Variants in USP43 observed in about 807,000 individuals in gnomAD.
The protein encoded by USP43 is ubiquitin specific peptidase 43, also known as ubiquitin carboxyl-terminal hydrolase 43.
Under a neutral mutation model 90.7 loss-of-function variants are expected in USP43, and 33 were observed. That is an observed-to-expected ratio of 0.36 (90% CI 0.28 to 0.49). The LOEUF (loss-of-function observed/expected upper bound fraction) is 0.49, where lower values mean the gene tolerates loss of function less well. Ranked by LOEUF, USP43 falls within the 20% of genes least tolerant of loss-of-function variation. The probability of loss-of-function intolerance (pLI) is 0.98; values close to 1 mark genes in which losing one functional copy is unlikely to be tolerated. For missense variants in USP43, 1,274 were observed against 1,476.4 expected (o/e 0.86, Z 2.25); for synonymous variants, 598 against 615.8 (o/e 0.97, Z 0.43).
chr17:9,681,152 A>ATATATACTATATAC (rs1914168415), intron 6 of USP43, among the ~76,000 whole-genome samples: 1 of 89,274 alleles, frequency 1.1e-5, no homozygotes, highest in Non-Finnish European at 2.0e-5. Context: ...ATACTATATA[A>ATATATACTATATAC]TATATACTAT....
rs8067391 is a variant in USP43, at chr17:9,664,954, G to A, written c.637-1694G>A. Among the ~76,000 whole-genome samples, 1,353 of 152,204 alleles carry A rather than the reference G, an allele frequency of 8.9e-3. 17 individuals are homozygous for A. The highest frequency in any genetic ancestry group is 0.031 in the African/African-American group (1,284 of 41,524). Reference sequence around the variant, plus strand: ...GCCCAGTCAATATTTATATAGGTACGTTTATATTTTACTAAATAGCGTTAT... The same window carrying A: ...GCCCAGTCAATATTTATATAGGTACATTTATATTTTACTAAATAGCGTTAT... On this transcript the variant is annotated intron_variant, in intron 2 of 14. Coordinates refer to ENST00000285199, the MANE Select transcript of USP43 (RefSeq NM_153210.5).
At chr17:9,652,495 G>A (rs1335233371) in intron 1 of USP43, among the ~76,000 whole-genome samples, 2 of 151,948 alleles carry the variant, frequency 1.3e-5, no homozygotes, top group Admixed American at 1.3e-4. Context: ...CCGAGTAGCT[G>A]GGACTACAGG....
rs1009122540 is a variant in USP43, at chr17:9,674,162, T to C, written c.741-729T>C. 6.6e-5 allele frequency among the ~76,000 whole-genome samples: 10 copies of C among 152,148 alleles called. No individual in the cohort carries two copies. Among genetic ancestry groups the C allele is most frequent in the Non-Finnish European group, 1.5e-4 (10 of 68,022 alleles). On this transcript the variant is annotated intron_variant, in intron 3 of 14. Transcript: ENST00000285199. The surrounding 1 kb of genome is among the most constrained non-coding windows in gnomAD (Gnocchi z 4.4). ...GAGATGGTCCTGAGATCCCTTCAGC[T>C]TGGAAGTTGGCATGCTGGGTTTGTA...
intron 1 of USP43, among the ~76,000 whole-genome samples, chr17:9,649,354 T>C (rs765040606): frequency 3.3e-5 from 5 of 152,134 alleles, no homozygotes; most frequent in Non-Finnish European, 7.3e-5. Context: ...AGAATTCTTT[T>C]CTTCTCTTTC....
chr17:9,688,257 G>A (rs1914712355), intron 8 of USP43, among the ~76,000 whole-genome samples: 1 of 150,714 alleles, frequency 6.6e-6, no homozygotes, highest in Non-Finnish European at 1.5e-5. Flanking sequence ...AGAGTGCTGG[G>A]ATTACAGGTG....
chr17:9,659,679 A>C lies in USP43; in HGVS notation c.636+3145A>C, dbSNP rs186122891. Among the ~76,000 whole-genome samples, 21 of 151,712 alleles carry C rather than the reference A, an allele frequency of 1.4e-4. 1 individual carries two copies. The highest frequency in any genetic ancestry group is 4.4e-4 in the African/African-American group (18 of 41,340). On this transcript the variant is annotated intron_variant, in intron 2 of 14. Transcript: ENST00000285199. ...GATAGCCTTTCCATTTTCCTTTTCT[A>C]TCTCTTGGTAGCAGGAAAAGGCATT...
At chr17:9,663,607 T>TTTTG in intron 2 of USP43, among the ~76,000 whole-genome samples, 1 of 149,414 alleles carries the variant, frequency 6.7e-6, no homozygotes, top group South Asian at 2.1e-4. Flanking sequence ...CAGACATTCT[T>TTTTG]TTTGTTTGTT....
intron 1 of USP43, among the ~76,000 whole-genome samples, chr17:9,649,096 T>C (rs1331679226): frequency 3.3e-5 from 5 of 151,966 alleles, no homozygotes; most frequent in Non-Finnish European, 7.4e-5. Flanking sequence ...GCTCAAGCGA[T>C]CCTCCTACCT....
intron 13 of USP43, 98 bp downstream of exon 13, chr17:9,710,212 C>T: frequency 7.8e-7 from 1 of 1,284,226 alleles, no homozygotes; most frequent in Non-Finnish European, 1.0e-6. Context: ...GAGAGGTTGG[C>T]AAGGATCTGA....
At chr17:9,699,111 GA>G (rs922686216) in intron 9 of USP43, among the ~76,000 whole-genome samples, 16 of 152,224 alleles carry the variant, frequency 1.1e-4, no homozygotes, top group African/African-American at 3.9e-4. Flanking sequence ...GGGTGGGGGA[GA>G]ATGGCAGGTG....
intron 4 of USP43, among the ~76,000 whole-genome samples, chr17:9,675,484 C>A (rs1031377661): frequency 6.6e-6 from 1 of 152,124 alleles, no homozygotes; most frequent in Non-Finnish European, 1.5e-5. Context: ...GGGCCGAGTT[C>A]TATAAAAATA....
intron 14 of USP43, among the ~76,000 whole-genome samples, chr17:9,722,782 C>T (rs1163837276): frequency 6.6e-6 from 1 of 152,160 alleles, no homozygotes; most frequent in Non-Finnish European, 1.5e-5. Flanking sequence ...TTTCATGTGC[C>T]CCTTCTGGTC....
chr17:9,657,206 G>A (rs929427238), intron 2 of USP43, among the ~76,000 whole-genome samples: 1 of 152,112 alleles, frequency 6.6e-6, no homozygotes, highest in African/African-American at 2.4e-5. Flanking sequence ...TTCTCACACT[G>A]CTATAAAGAA....
At chr17:9,654,675 A>C (rs544303186) in intron 1 of USP43, among the ~76,000 whole-genome samples, 2 of 151,846 alleles carry the variant, frequency 1.3e-5, no homozygotes, top group South Asian at 4.2e-4. Flanking sequence ...AAGACTCAGA[A>C]CCAGCATTTC....
chr17:9,723,709 G>C (rs561745817), intron 14 of USP43, among the ~76,000 whole-genome samples: 36 of 150,684 alleles, frequency 2.4e-4, no homozygotes, highest in African/African-American at 8.0e-4. Flanking sequence ...TCAGCCTCAC[G>C]AACAGCTGGG....
At chr17:9,685,238 A>G (rs1914533579) in intron 7 of USP43, among the ~76,000 whole-genome samples, 1 of 152,184 alleles carries the variant, frequency 6.6e-6, no homozygotes, top group South Asian at 2.1e-4. Context: ...TTGGGTCTTC[A>G]CACAGGCTGC....
intron 4 of USP43, among the ~76,000 whole-genome samples, chr17:9,676,164 G>A (rs1913760147): frequency 6.6e-6 from 1 of 152,082 alleles, no homozygotes; most frequent in African/African-American, 2.4e-5. Context: ...GTTTGTTTTT[G>A]TTTAAGCTTA....
At position 9,676,869 on chromosome 17, in the gene USP43, C is replaced by T. The variant is rs1187236599; in HGVS notation, c.957C>T (p.Val319=). 6.2e-7 allele frequency: 1 copy of T among 1,613,728 alleles called. No homozygotes were observed. Among genetic ancestry groups the T allele is most frequent in the Non-Finnish European group, 8.5e-7 (1 of 1,179,776 alleles). ...LRKMVAEEGG[V]PADEVILVEL... is the part of the protein sequence containing the mutation. The stretch of plus-strand genomic sequence containing the variant: ...AGATGGTTGCAGAGGAAGGAGGCGT[C>T]CCTGCAGATGAGGTGTGATAGAATT... Residue 319 remains valine (V), a synonymous_variant, in exon 5 of 15, where the codon GTC becomes GTT. Transcript: ENST00000285199.
chr17:9,717,813 T>A (rs560023647), intron 14 of USP43, among the ~76,000 whole-genome samples: 21 of 152,072 alleles, frequency 1.4e-4, no homozygotes, highest in Admixed American at 2.6e-4. Context: ...TTTTTTTTTT[T>A]TTGAGGCGGA....
Sources: allele counts gnomAD v4.1 joint callset (sites outside exome capture counted in the v4.1 genomes callset), GRCh38; gene constraint gnomAD v4.1.1; non-coding constraint Gnocchi (gnomAD v3.1); transcripts MANE v1.5; gene names NCBI Gene and HGNC (gene_info 2026-07-23, HGNC 2026-07-21).